DGKI: variants seen among roughly 807,000 people sequenced by gnomAD.
The protein encoded by DGKI is diacylglycerol kinase iota.
A neutral mutation model predicts 147.5 loss-of-function variants in DGKI; 55 were observed. The ratio of observed to expected loss-of-function variants is 0.37; its 90% CI spans 0.30 to 0.47. The LOEUF is 0.47. DGKI is among the 20% of genes least tolerant of loss of function. The pLI is 1.00. For synonymous variants in DGKI, 469 were observed against 477.1 expected (o/e 0.98, Z 0.22); for missense variants, 1,007 against 1,323.8 (o/e 0.76, Z 3.71).
chr7:137,631,154 T>C (rs1821109581), intron 6 of DGKI, among the ~76,000 whole-genome samples: 1 of 152,216 alleles, frequency 6.6e-6, no homozygotes, highest in African/African-American at 2.4e-5. Context: ...CTTAGCTCGT[T>C]GATTGCAGAA....
At chr7:137,414,706 T>C (rs1192225117) in intron 28 of DGKI, among the ~76,000 whole-genome samples, 1 of 152,164 alleles carries the variant, frequency 6.6e-6, no homozygotes, top group African/African-American at 2.4e-5. Context: ...GAGTTCATCA[T>C]GCACAGAACT....
At chr7:137,560,004 G>C (rs1818364595) in intron 19 of DGKI, among the ~76,000 whole-genome samples, 1 of 152,120 alleles carries the variant, frequency 6.6e-6, no homozygotes, top group African/African-American at 2.4e-5. Context: ...ATATAAGACT[G>C]ATTTTTTATC....
chr7:137,844,779 G>A (rs1585562476), intron 1 of DGKI, among the ~76,000 whole-genome samples: 1 of 152,138 alleles, frequency 6.6e-6, no homozygotes, highest in Non-Finnish European at 1.5e-5. Context: ...CCCCTGACAA[G>A]AGGCAAGCTG....
At chr7:137,587,721 G>A (rs1043485846) in intron 12 of DGKI, among the ~76,000 whole-genome samples, 2 of 152,204 alleles carry the variant, frequency 1.3e-5, no homozygotes, top group South Asian at 4.2e-4. Context: ...ATGGTACATG[G>A]CCCATATAAG....
intron 27 of DGKI, among the ~76,000 whole-genome samples, chr7:137,448,474 T>C (rs1189248639): frequency 1.4e-5 from 2 of 148,086 alleles, no homozygotes; most frequent in East Asian, 2.0e-4. Flanking sequence ...CTTCGTGTAA[T>C]TTAGAAATGG....
At chr7:137,432,540 C>T (rs2128911996) in intron 28 of DGKI, among the ~76,000 whole-genome samples, 1 of 152,200 alleles carries the variant, frequency 6.6e-6, no homozygotes, top group African/African-American at 2.4e-5. Context: ...GCCTATATTA[C>T]CTAATTTAAT....
chr7:137,805,348 C>T (rs1030182657), intron 1 of DGKI, among the ~76,000 whole-genome samples: 2 of 152,108 alleles, frequency 1.3e-5, no homozygotes, highest in East Asian at 1.9e-4. Flanking sequence ...GGCGAGGGAG[C>T]GAATGGAGAA....
At chr7:137,743,996 A>AAG (rs928137530) in intron 1 of DGKI, among the ~76,000 whole-genome samples, 5 of 151,682 alleles carry the variant, frequency 3.3e-5, no homozygotes, top group Non-Finnish European at 7.4e-5. Context: ...AAAGAAAAAA[A>AAG]AAAAAAACTA....
chr7:137,574,810 A>G (rs914150568), intron 17 of DGKI, among the ~76,000 whole-genome samples: 2 of 152,196 alleles, frequency 1.3e-5, no homozygotes, highest in African/African-American at 4.8e-5. Context: ...AATAATGGCT[A>G]TATGTAGGTT....
chr7:137,833,947 C>G (rs1798293043), intron 1 of DGKI, among the ~76,000 whole-genome samples: 1 of 152,204 alleles, frequency 6.6e-6, no homozygotes, highest in East Asian at 1.9e-4. Flanking sequence ...GTGCACTAGA[C>G]AGGGGGTTCT....
At chr7:137,721,870 A>C (rs978882729) in intron 1 of DGKI, 1 of 657,140 alleles carries the variant, frequency 1.5e-6, no homozygotes, top group Non-Finnish European at 2.5e-6. Context: ...ACATGGTTCC[A>C]TTTGCCCAGA....
At chr7:137,703,380 A>G (rs1449476808) in intron 1 of DGKI, among the ~76,000 whole-genome samples, 1 of 152,210 alleles carries the variant, frequency 6.6e-6, no homozygotes, top group Admixed American at 6.5e-5. Context: ...ACAAATCCAA[A>G]CCATGTATAA....
In DGKI at chr7:137,548,785, T is replaced by C. The variant is rs1817949802; in HGVS notation, c.2147+3584A>G. On this transcript the variant is annotated intron_variant, in intron 20 of 32. Coordinates refer to ENST00000614521, the MANE Select transcript of DGKI (RefSeq NM_001321708.2). ...GACTTCGAGACCAGCCTGAGCAACA[T>C]GGGGAAACCCTGTCTCTACCAAAAA... Among the ~76,000 whole-genome samples the C allele has an allele frequency of 1.3e-5, 2 of 152,216 alleles. 1 individual carries two copies. The highest frequency in any genetic ancestry group is 4.1e-4 in the South Asian group (2 of 4,826).
At chr7:137,721,422 C>T (rs1484389944) in intron 1 of DGKI, among the ~76,000 whole-genome samples, 1 of 152,152 alleles carries the variant, frequency 6.6e-6, no homozygotes, top group African/African-American at 2.4e-5. Flanking sequence ...AATTTCTGTA[C>T]ACCTCCCACT....
rs796902464 is a variant in DGKI, at chr7:137,691,798, GTTT to G, written c.402-1799_402-1797del. Among the ~76,000 whole-genome samples, 412 of 95,802 alleles carry G rather than the reference GTTT, an allele frequency of 4.3e-3. 5 individuals are homozygous for G. The highest frequency in any genetic ancestry group is 0.012 in the African/African-American group (316 of 25,632). 62.8% of individuals were successfully genotyped at this position (95,802 alleles called of 152,430 possible). On this transcript the variant is annotated intron_variant, in intron 1 of 32. Transcript: ENST00000614521. ...GCTCAGCAAGTGTCTAGACCTTTGG[GTTT>G]TTTTTTTTTTTTTTTTTTTTAAGCC...
intron 1 of DGKI, among the ~76,000 whole-genome samples, chr7:137,744,143 C>T (rs1795259432): frequency 6.6e-6 from 1 of 151,926 alleles, no homozygotes. Flanking sequence ...TAATGGACTG[C>T]TACCTAGATT....
rs1035341821 is a variant in DGKI at position 137,659,749 on chromosome 7, A to G, written c.607-3209T>C. Among the ~76,000 whole-genome samples the G allele has an allele frequency of 6.1e-4, 93 of 152,278 alleles. 1 individual carries two copies. Among genetic ancestry groups the G allele is most frequent in the Middle Eastern group, 3.4e-3 (1 of 294 alleles). On this transcript the variant is annotated intron_variant, in intron 3 of 32. Transcript: ENST00000614521. ...AGATCGAGACCATCCTGGCTAACAC[A>G]GTGAAAGCTCGTCTCTACTAAAAAT...
chr7:137,570,721 A>G (rs555107752), intron 19 of DGKI, among the ~76,000 whole-genome samples: 2 of 151,946 alleles, frequency 1.3e-5, no homozygotes, highest in African/African-American at 4.8e-5. Context: ...CCTCCCAAGT[A>G]GCTGGAATTA....
intron 1 of DGKI, among the ~76,000 whole-genome samples, chr7:137,758,889 G>A (rs1433213420): frequency 6.6e-6 from 1 of 151,918 alleles, no homozygotes; most frequent in African/African-American, 2.4e-5. Flanking sequence ...TTCCCATATA[G>A]GCGCTTTGGG....
Sources: gnomAD v4.1 joint callset for allele counts (sites outside exome capture counted in the v4.1 genomes callset) on GRCh38, gnomAD v4.1.1 for gene constraint, MANE v1.5 for transcripts, NCBI Gene and HGNC (gene_info 2026-07-23, HGNC 2026-07-21) for gene names.